The following ARFGEF3 variants were observed in gnomAD, a reference collection of about 807,000 sequenced individuals.
ARFGEF3 encodes the protein ARFGEF family member 3.
In ARFGEF3, 96 loss-of-function variants were observed where a neutral mutation model predicts 221.7. The ratio of observed to expected loss-of-function variants is 0.43; its 90% CI spans 0.37 to 0.51. ARFGEF3 has a LOEUF of 0.51. Among genes scored for constraint, ARFGEF3 ranks in the 20% least tolerant of loss-of-function variants. The probability of loss-of-function intolerance (pLI) is 0.00; values close to 1 mark genes in which losing one functional copy is unlikely to be tolerated. For missense variants in ARFGEF3, 2,410 were observed against 2,789.9 expected, an observed-to-expected ratio of 0.86 and a Z score of 3.07; for synonymous variants, 1,145 against 1,126.8, an observed-to-expected ratio of 1.02 and a Z score of -0.32.
At chr6:138,294,759 GA>G (rs1779476864) in intron 20 of ARFGEF3, among the ~76,000 whole-genome samples, 1 of 152,170 alleles carries the variant, frequency 6.6e-6, no homozygotes, top group African/African-American at 2.4e-5. Context: ...CTCATAGATG[GA>G]ATTGTTCATC....
intron 13 of ARFGEF3, among the ~76,000 whole-genome samples, chr6:138,278,999 C>T (rs1779149275): frequency 6.6e-6 from 1 of 152,058 alleles, no homozygotes; most frequent in Non-Finnish European, 1.5e-5. Flanking sequence ...AAGAAATTTG[C>T]TGAAAATGAG....
rs1582994263 is a variant in ARFGEF3 at position 138,173,580 on chromosome 6, C to T, written c.137+2867C>T. Among the ~76,000 whole-genome samples the T allele has an allele frequency of 3.3e-5, 5 of 152,250 alleles. No individual in the cohort carries two copies. In the South Asian group the frequency reaches 1.0e-3, roughly 32 times the overall value. On this transcript the variant is annotated intron_variant, in intron 2 of 33. Transcript: ENST00000251691. Reference sequence around the variant, plus strand: ...TGTTATAGTCTCTTGCTTAATTGATCCCTTTATCATTATATAATGACCTTC... The same window carrying T: ...TGTTATAGTCTCTTGCTTAATTGATTCCTTTATCATTATATAATGACCTTC...
chr6:138,293,645 T>C (rs1425849883), intron 19 of ARFGEF3, among the ~76,000 whole-genome samples: 2 of 152,228 alleles, frequency 1.3e-5, no homozygotes, highest in African/African-American at 4.8e-5. Flanking sequence ...ATTTATGAAA[T>C]TGAAGCTAAT....
In ARFGEF3 at chr6:138,334,924, G is replaced by A. The variant is rs1780294524; in HGVS notation, c.6078G>A (p.Met2026Ile). The change falls in exon 33 of 34, where the codon ATG (methionine) becomes ATA (isoleucine). Residue 2026 changes from methionine to isoleucine, a missense_variant. Met to Ile is a conservative substitution (Grantham distance 10, BLOSUM62 1). Transcript: ENST00000251691. The surrounding 1 kb of genome is among the most constrained non-coding windows in gnomAD (Gnocchi z 5.1). ...MAADKTISKL[M>I]TEYKKRKQQH... is the part of the protein sequence containing the mutation. ...CCGACAAGACCATTTCAAAGTTGAT[G>A]ACCGAATACAAAAAGAGGAAACAGC... 3 of 1,590,110 alleles carry A rather than the reference G, an allele frequency of 1.9e-6. No homozygotes were observed. The highest frequency in any genetic ancestry group is 2.6e-6 in the Non-Finnish European group (3 of 1,168,906).
At chr6:138,256,393 A>G (rs1262768262) in intron 10 of ARFGEF3, among the ~76,000 whole-genome samples, 1 of 152,166 alleles carries the variant, frequency 6.6e-6, no homozygotes, top group East Asian at 1.9e-4. Context: ...AAAAGTCATC[A>G]GTGTTTTTGT....
At chr6:138,198,308 C>T (rs796144311) in intron 2 of ARFGEF3, among the ~76,000 whole-genome samples, 12 of 152,264 alleles carry the variant, frequency 7.9e-5, no homozygotes, top group African/African-American at 2.9e-4. Context: ...AGCTATATCC[C>T]TAGGGCCTGA....
chr6:138,247,255 T>C (rs1778500410), intron 8 of ARFGEF3, among the ~76,000 whole-genome samples: 1 of 152,176 alleles, frequency 6.6e-6, no homozygotes, highest in African/African-American at 2.4e-5. Context: ...ACAGTGGAGC[T>C]GGCACTCAGA....
At chr6:138,239,717 T>C (rs915331299) in intron 6 of ARFGEF3, among the ~76,000 whole-genome samples, 1 of 152,034 alleles carries the variant, frequency 6.6e-6, no homozygotes, top group African/African-American at 2.4e-5. Flanking sequence ...AAATTAATTT[T>C]ATAAAAATTA....
chr6:138,333,903 A>G (rs1196910512), intron 32 of ARFGEF3, 67 bp from the exon 33 acceptor site: 5 of 1,506,002 alleles, frequency 3.3e-6, no homozygotes, highest in East Asian at 4.5e-5. Flanking sequence ...GGTAACGTCT[A>G]TATTGCTTTG....
At chr6:138,328,888 TC>T (rs773002323) in intron 32 of ARFGEF3, among the ~76,000 whole-genome samples, 52 of 152,272 alleles carry the variant, frequency 3.4e-4, no homozygotes, top group Non-Finnish European at 6.8e-4. Context: ...TCCCAGCTAC[TC>T]AGGAAGCTGA....
In ARFGEF3 at chr6:138,291,842, CTTGGGG is replaced by C; in HGVS notation, c.3158_3163del (p.Leu1053_Asp1055delinsHis). The C allele has an allele frequency of 6.7e-7, 1 of 1,501,808 alleles. No individual in the cohort carries two copies. The highest frequency in any genetic ancestry group is 8.9e-7 in the Non-Finnish European group (1 of 1,122,798). The allele number at this position is 1,501,808 out of a possible 1,614,324, so 93.0% of individuals were successfully genotyped here. A position where few individuals can be genotyped will look rare whatever the true frequency, so the allele number is the denominator to read the frequency against. On this transcript the variant is annotated inframe_deletion, in exon 19 of 34. Coordinates refer to ENST00000251691, the MANE Select transcript of ARFGEF3 (RefSeq NM_020340.5). This position sits in a 1 kb window ranked among gnomAD's most constrained non-coding sequence, Gnocchi z 4.5. ...GAAGGCCACTGGAAGCGCTGGCCTC[CTTGGGG>C]ACCCCGAGTGTGAGGGCTCGCCCCC... is the stretch of plus-strand genomic sequence containing the variant.
chr6:138,213,703 G>A (rs1283802820), intron 4 of ARFGEF3, among the ~76,000 whole-genome samples: 1 of 151,988 alleles, frequency 6.6e-6, no homozygotes, highest in Non-Finnish European at 1.5e-5. Flanking sequence ...AGGGGTGATG[G>A]GGAGATGATA....
intron 2 of ARFGEF3, among the ~76,000 whole-genome samples, chr6:138,190,699 G>C (rs1223954425): frequency 6.6e-6 from 1 of 152,200 alleles, no homozygotes; most frequent in African/African-American, 2.4e-5. Context: ...AACAGGAACA[G>C]TTCTCAGTGC....
intron 5 of ARFGEF3, among the ~76,000 whole-genome samples, chr6:138,238,083 C>T (rs1778319836): frequency 6.6e-6 from 1 of 152,214 alleles, no homozygotes; most frequent in Non-Finnish European, 1.5e-5. Context: ...AGGTCAAACT[C>T]ATTCATAGAG....
At chr6:138,301,215 T>C (rs1327863997) in intron 22 of ARFGEF3, among the ~76,000 whole-genome samples, 3 of 152,160 alleles carry the variant, frequency 2.0e-5, no homozygotes, top group Non-Finnish European at 4.4e-5. Context: ...CAGGACAAAA[T>C]TGTCCAAAGC....
At chr6:138,311,751 C>T (rs1195079978) in intron 25 of ARFGEF3, among the ~76,000 whole-genome samples, 2 of 152,172 alleles carry the variant, frequency 1.3e-5, no homozygotes, top group Non-Finnish European at 2.9e-5. Context: ...TTCCCTCACG[C>T]TCAGATGCCT....
chr6:138,247,529 A>G (rs1016714206), intron 8 of ARFGEF3, among the ~76,000 whole-genome samples: 3 of 152,194 alleles, frequency 2.0e-5, no homozygotes, highest in Admixed American at 6.5e-5. Context: ...CAGCTGGTAT[A>G]GCAGAGTTGG....
In ARFGEF3 at chr6:138,283,875, C is replaced by T. The variant is rs536293448; in HGVS notation, c.2462-2071C>T. 5.3e-5 allele frequency among the ~76,000 whole-genome samples: 8 copies of T among 152,244 alleles called. No homozygotes were observed. The East Asian group carries it at 7.7e-4, about 15-fold the overall frequency. ...TCCACCTTAGCAGCCATATAGATTT[C>T]GTCCCTGTTTTGGTTCTGATAGTTG... On this transcript the variant is annotated intron_variant, in intron 14 of 33. Coordinates refer to ENST00000251691, the MANE Select transcript of ARFGEF3 (RefSeq NM_020340.5).
chr6:138,318,152 T>C (rs919489977), intron 27 of ARFGEF3, among the ~76,000 whole-genome samples: 4 of 152,194 alleles, frequency 2.6e-5, no homozygotes, highest in Non-Finnish European at 5.9e-5. Context: ...GTTTATATTA[T>C]TTTTTAAAAA....
Sources: gnomAD v4.1 joint callset for allele counts (sites outside exome capture counted in the v4.1 genomes callset) on GRCh38, gnomAD v4.1.1 for gene constraint, Gnocchi (gnomAD v3.1) non-coding constraint, MANE v1.5 for transcripts, NCBI Gene and HGNC (gene_info 2026-07-23, HGNC 2026-07-21) for gene names.